PYROXD2: variants seen among roughly 807,000 people sequenced by gnomAD.
The protein encoded by PYROXD2 is pyridine nucleotide-disulphide oxidoreductase domain 2.
Under a neutral mutation model 71.1 loss-of-function variants are expected in PYROXD2, and 69 were observed. That is an observed-to-expected ratio of 0.97 (90% CI 0.80 to 1.19). The LOEUF is 1.19. PYROXD2 is among the 50% of genes most tolerant of loss of function. The pLI, the probability that PYROXD2 is intolerant of heterozygous loss-of-function variation, is 0.00. For missense variants in PYROXD2, 745 were observed against 748.9 expected (o/e 0.99, Z 0.06); for synonymous variants, 287 against 302.7 (o/e 0.95, Z 0.54).
chr10:98,390,813 A>G, intron 11 of PYROXD2, 59 bp from the exon 12 acceptor site: 2 of 1,532,602 alleles, frequency 1.3e-6, no homozygotes, highest in Non-Finnish European at 1.8e-6. Flanking sequence ...CTCTACAGCC[A>G]GCACCCTGCT....
rs372316284 is a variant in PYROXD2 at position 98,385,083 on chromosome 10, C to T, written c.1555-16G>A. 4.3e-6 allele frequency: 7 copies of T among 1,613,256 alleles called. No homozygotes were observed. The highest frequency in any genetic ancestry group is 1.3e-5 in the African/African-American group (1 of 74,942). On this transcript the variant is annotated splice_polypyrimidine_tract_variant and intron_variant, in intron 14 of 15. Coordinates refer to ENST00000370575, the MANE Select transcript of PYROXD2 (RefSeq NM_032709.3). ...GGAATATGTTCTGCAGAGGCAGGGC[C>T]ACAGTCATCAGCACAGGAGAGTTAC...
At chr10:98,399,540 G>A (rs1227381966) in intron 5 of PYROXD2, among the ~76,000 whole-genome samples, 10 of 151,758 alleles carry the variant, frequency 6.6e-5, no homozygotes, top group Admixed American at 3.3e-4. Context: ...TTCTCCATCC[G>A]ACATGTGTTC....
Position 98,388,002 on chromosome 10 carries a change from C to A in PYROXD2, c.1447+352G>T, listed in dbSNP as rs1008467501. Reference sequence around the variant, plus strand: ...GCCAGCTCCTAGTCATCCTTGGAAACCCAGCTTGACCATCCCTTCCTTTGA... The same window carrying A: ...GCCAGCTCCTAGTCATCCTTGGAAAACCAGCTTGACCATCCCTTCCTTTGA... On this transcript the variant is annotated intron_variant, in intron 13 of 15. Transcript: ENST00000370575. 4.5e-5 allele frequency: 12 copies of A among 264,292 alleles called. No individual in the cohort carries two copies. In the Middle Eastern group the frequency reaches 4.0e-3, roughly 88 times the overall value. 16.4% of individuals were successfully genotyped at this position (264,292 alleles called of 1,614,324 possible).
intron 2 of PYROXD2, among the ~76,000 whole-genome samples, chr10:98,408,595 G>T (rs1843688421): frequency 6.6e-6 from 1 of 152,186 alleles, no homozygotes; most frequent in South Asian, 2.1e-4. Context: ...CTGGCACAGA[G>T]AATGTACTCA....
At chr10:98,392,312 T>C in intron 10 of PYROXD2, 120 bp downstream of exon 10, 1 of 1,489,534 alleles carries the variant, frequency 6.7e-7, no homozygotes, top group Non-Finnish European at 9.0e-7. Flanking sequence ...GTTTCCCAAA[T>C]GCAGAGACTT....
At position 98,383,767 on chromosome 10, in the gene PYROXD2, G is replaced by A. The variant is rs1004852100; in HGVS notation, c.*31C>T. The A allele has an allele frequency of 1.3e-6, 2 of 1,599,696 alleles. No individual in the cohort carries two copies. The highest frequency in any genetic ancestry group is 1.3e-5 in the African/African-American group (1 of 74,726). The stretch of plus-strand genomic sequence containing the variant: ...GGAGCACTTGGAATTCAGGGGTGGA[G>A]TCTTCTTCCTGGGTCAGAGCTGGTT... On this transcript the variant is annotated 3_prime_UTR_variant, in exon 16 of 16. Coordinates refer to ENST00000370575, the MANE Select transcript of PYROXD2 (RefSeq NM_032709.3).
intron 15 of PYROXD2, 33 bp from the exon 16 acceptor site, chr10:98,383,901 G>T: frequency 1.2e-6 from 2 of 1,603,028 alleles, no homozygotes; most frequent in Non-Finnish European, 1.7e-6. Context: ...CCAAAGCTCC[G>T]CTCAAAAACC....
At position 98,395,135 on chromosome 10, in the gene PYROXD2, T is replaced by G. The variant is rs1843117080; in HGVS notation, c.785+61A>C. The G allele has an allele frequency of 9.1e-6, 13 of 1,425,410 alleles. No homozygotes were observed. The South Asian group carries it at 1.3e-4, about 14-fold the overall frequency. The allele number at this position is 1,425,410 out of a possible 1,614,324, so 88.3% of individuals were successfully genotyped here. On this transcript the variant is annotated intron_variant, in intron 8 of 15. Transcript: ENST00000370575. ...GTTGTTGCTGCCACTGCCACTGTTGTCCTCACTCCTGTTGGGGAACATGCC... is the reference window on the plus strand; with the variant it reads ...GTTGTTGCTGCCACTGCCACTGTTGGCCTCACTCCTGTTGGGGAACATGCC...
At chr10:98,412,429 G>A (rs530267860) in intron 1 of PYROXD2, among the ~76,000 whole-genome samples, 9 of 152,256 alleles carry the variant, frequency 5.9e-5, no homozygotes, top group South Asian at 2.1e-4. Flanking sequence ...TGCTCTGGGC[G>A]TGGGCTCTGC....
chr10:98,398,423 C>T (rs899984326), intron 5 of PYROXD2, among the ~76,000 whole-genome samples: 1 of 152,176 alleles, frequency 6.6e-6, no homozygotes, highest in African/African-American at 2.4e-5. Flanking sequence ...GGAGGCCCTA[C>T]CTGACTCTTC....
chr10:98,395,327 G>A lies in PYROXD2; in HGVS notation c.688-34C>T, dbSNP rs74154409. 3,820 of 1,613,786 alleles carry A rather than the reference G, an allele frequency of 2.4e-3. 87 individuals carry two copies. In the African/African-American group the frequency reaches 0.044, roughly 19 times the overall value. On this transcript the variant is annotated intron_variant, in intron 7 of 15. Transcript: ENST00000370575. Reference sequence around the variant, plus strand: ...CACAACAGCAGAGAGAAGGGCTTAGGAGCCTGGATGGGAGGAGGGCCCTCT... The same window carrying A: ...CACAACAGCAGAGAGAAGGGCTTAGAAGCCTGGATGGGAGGAGGGCCCTCT...
chr10:98,402,041 C>T (rs923346517), intron 4 of PYROXD2, among the ~76,000 whole-genome samples: 10 of 152,254 alleles, frequency 6.6e-5, no homozygotes, highest in African/African-American at 2.2e-4. Flanking sequence ...TGACAACTGG[C>T]CACACAGTAG....
At chr10:98,410,627 T>G in intron 2 of PYROXD2, 1 of 433,678 alleles carries the variant, frequency 2.3e-6, no homozygotes, top group Middle Eastern at 5.8e-4. Flanking sequence ...TCTCATGCTG[T>G]GTTGGTTACA....
intron 8 of PYROXD2, among the ~76,000 whole-genome samples, chr10:98,393,321 C>T (rs1843016521): frequency 6.6e-6 from 1 of 152,140 alleles, no homozygotes; most frequent in East Asian, 1.9e-4. Flanking sequence ...CAACGATGCC[C>T]AAACCTGCAG....
At chr10:98,411,101 G>T in intron 1 of PYROXD2, 143 bp from the exon 2 acceptor site, 1 of 1,181,790 alleles carries the variant, frequency 8.5e-7, no homozygotes, top group Non-Finnish European at 1.2e-6. Flanking sequence ...CCCGCACTCA[G>T]ATGTTGGAAC....
At chr10:98,412,172 G>C (rs1219912977) in intron 1 of PYROXD2, among the ~76,000 whole-genome samples, 1 of 152,210 alleles carries the variant, frequency 6.6e-6, no homozygotes, top group East Asian at 1.9e-4. Context: ...GCTGATGATC[G>C]ATCTTGGAAA....
rs1330771882 is a variant in PYROXD2, at chr10:98,390,836, G to A, written c.1136-82C>T. ...CCAGCACCCTGCTACCCTCAGTGGCGGACGGGAGTAGGAAAGTATGAGCAA... is the reference window on the plus strand; with the variant it reads ...CCAGCACCCTGCTACCCTCAGTGGCAGACGGGAGTAGGAAAGTATGAGCAA... On this transcript the variant is annotated intron_variant, in intron 11 of 15. Coordinates refer to ENST00000370575, the MANE Select transcript of PYROXD2 (RefSeq NM_032709.3). The A allele has an allele frequency of 1.9e-5, 28 of 1,502,934 alleles. 1 individual carries two copies. The Admixed American group carries it at 2.2e-4, about 12-fold the overall frequency. The allele number at this position is 1,502,934 out of a possible 1,614,324, so 93.1% of individuals were successfully genotyped here.
rs1176567920 is a variant in PYROXD2 at position 98,397,398 on chromosome 10, G to GA, written c.571dup (p.Ser191PhefsTer31). On this transcript the variant is annotated frameshift_variant, in exon 6 of 16. Transcript: ENST00000370575. LOFTEE classifies it high-confidence loss of function. ...GAGCGACCTCATCCTTTGCAGCAAG[G>GA]AGCCATGCTGGAAGGCCGCCATGTC... The GA allele has an allele frequency of 6.2e-7, 1 of 1,613,152 alleles. No homozygotes were observed. The highest frequency in any genetic ancestry group is 2.2e-5 in the East Asian group (1 of 44,864).
rs1225369486 is a variant in PYROXD2 at position 98,383,741 on chromosome 10, T to C, written c.*57A>G. The C allele has an allele frequency of 5.5e-6, 8 of 1,449,592 alleles. No individual in the cohort carries two copies. The South Asian group carries it at 6.8e-5, about 12-fold the overall frequency. The allele number at this position is 1,449,592 out of a possible 1,614,324, so 89.8% of individuals were successfully genotyped here. A position where few individuals can be genotyped will look rare whatever the true frequency, so the allele number is the denominator to read the frequency against. ...TGAACTTCCTGGGAAGCTGATCCAATGGAGCACTTGGAATTCAGGGGTGGA... is the reference window on the plus strand; with the variant it reads ...TGAACTTCCTGGGAAGCTGATCCAACGGAGCACTTGGAATTCAGGGGTGGA... On this transcript the variant is annotated 3_prime_UTR_variant, in exon 16 of 16. Transcript: ENST00000370575.
Sources: allele counts gnomAD v4.1 joint callset (sites outside exome capture counted in the v4.1 genomes callset), GRCh38; gene constraint gnomAD v4.1.1; transcripts MANE v1.5; gene names NCBI Gene and HGNC (gene_info 2026-07-23, HGNC 2026-07-21).